Variants in MITF observed in about 807,000 individuals in gnomAD.
MITF encodes the protein microphthalmia-associated transcription factor.
A neutral mutation model predicts 60.5 loss-of-function variants in MITF; 17 were observed. The observed-to-expected ratio is 0.28, with a 90% CI of 0.19 to 0.42. The LOEUF (loss-of-function observed/expected upper bound fraction) is 0.42, where lower values mean the gene tolerates loss of function less well. MITF is among the 10% of genes least tolerant of loss of function. The probability of loss-of-function intolerance (pLI) is 1.00; values close to 1 mark genes in which losing one functional copy is unlikely to be tolerated. For synonymous variants in MITF, 260 were observed against 248.5 expected (o/e 1.05, Z -0.43); for missense variants, 622 against 683.5 (o/e 0.91, Z 1.00).
chr3:69,833,597 T>C (rs62252219), intron 1 of MITF, among the ~76,000 whole-genome samples: 23,277 of 152,164 alleles, frequency 0.15, 2,055 homozygotes, highest in Non-Finnish European at 0.21. Flanking sequence ...CTGTATGTGG[T>C]TGTTTTTCTG....
At chr3:69,786,691 G>A (rs998265800) in intron 1 of MITF, among the ~76,000 whole-genome samples, 1 of 152,028 alleles carries the variant, frequency 6.6e-6, no homozygotes, top group Admixed American at 6.6e-5. Flanking sequence ...GCTTGTATGG[G>A]CTTATCCTTT....
At chr3:69,960,486 A>G (rs1041844441) in intron 9 of MITF, among the ~76,000 whole-genome samples, 1 of 152,126 alleles carries the variant, frequency 6.6e-6, no homozygotes, top group African/African-American at 2.4e-5. Context: ...GTGAAAGGGC[A>G]CTACTTCCTC....
chr3:69,905,206 A>C (rs2065071618), intron 2 of MITF, among the ~76,000 whole-genome samples: 1 of 152,084 alleles, frequency 6.6e-6, no homozygotes, highest in South Asian at 2.1e-4. Context: ...TCCAGAGTTT[A>C]AAAAATATGG....
At chr3:69,896,619 C>T (rs575228936) in intron 2 of MITF, among the ~76,000 whole-genome samples, 1 of 152,192 alleles carries the variant, frequency 6.6e-6, no homozygotes, top group Admixed American at 6.5e-5. Context: ...GGGATCTGCC[C>T]CCAATCTTCT....
At chr3:69,820,488 A>G (rs546853201) in intron 1 of MITF, among the ~76,000 whole-genome samples, 1 of 152,268 alleles carries the variant, frequency 6.6e-6, no homozygotes, top group Non-Finnish European at 1.5e-5. Context: ...CAGTTGTAAA[A>G]GAAATTTCTA....
chr3:69,967,020 A>G lies in MITF; in HGVS notation c.*1772A>G, dbSNP rs1238058958. The G allele has an allele frequency of 4.3e-5, 10 of 232,152 alleles. No individual in the cohort carries two copies. The highest frequency in any genetic ancestry group is 3.7e-4 in the East Asian group (6 of 16,408). The allele number at this position is 232,152 out of a possible 1,614,324, so 14.4% of individuals were successfully genotyped here. A position where few individuals can be genotyped will look rare whatever the true frequency, so the allele number is the denominator to read the frequency against. On this transcript the variant is annotated 3_prime_UTR_variant, in exon 10 of 10. Transcript: ENST00000352241. ...AATATATTTTAGTGACAGAGTGCCA[A>G]CTTCTTTCATCAGGAAACCTTATTC...
intron 9 of MITF, among the ~76,000 whole-genome samples, chr3:69,964,490 C>T (rs2066634225): frequency 7.5e-6 from 1 of 134,132 alleles, no homozygotes; most frequent in Non-Finnish European, 1.6e-5. Flanking sequence ...TTCCAAGTAT[C>T]TGATTTTTAA....
chr3:69,766,346 A>G (rs2062292427), intron 1 of MITF, among the ~76,000 whole-genome samples: 1 of 134,222 alleles, frequency 7.5e-6, no homozygotes, highest in Admixed American at 7.6e-5. Context: ...AGTAGCTGGG[A>G]TTACAGGTGT....
At chr3:69,876,936 T>C (rs2064367663) in intron 1 of MITF, among the ~76,000 whole-genome samples, 2 of 152,148 alleles carry the variant, frequency 1.3e-5, no homozygotes, top group Admixed American at 1.3e-4. Flanking sequence ...TTGAGGGGAG[T>C]AAAATGATAG....
rs1408787843 is a variant in MITF, at chr3:69,967,503, A to C, written c.*2255A>C. On this transcript the variant is annotated 3_prime_UTR_variant, in exon 10 of 10. Transcript: ENST00000352241. Reference sequence around the variant, plus strand: ...TTTTAAAAATAAAGCAAGGTTGACTAACCTACGGCCACGGGAACAGGACCA... The same window carrying C: ...TTTTAAAAATAAAGCAAGGTTGACTCACCTACGGCCACGGGAACAGGACCA... The C allele has an allele frequency of 1.3e-5, 3 of 233,524 alleles. No homozygotes were observed. The highest frequency in any genetic ancestry group is 2.5e-5 in the Non-Finnish European group (3 of 117,942). 14.5% of individuals were successfully genotyped at this position (233,524 alleles called of 1,614,324 possible). A position where few individuals can be genotyped will look rare whatever the true frequency, so the allele number is the denominator to read the frequency against.
chr3:69,774,541 G>A (rs1202667623), intron 1 of MITF, among the ~76,000 whole-genome samples: 1 of 152,162 alleles, frequency 6.6e-6, no homozygotes, highest in South Asian at 2.1e-4. Flanking sequence ...GTCACGTGGA[G>A]CCCTAGTCAT....
chr3:69,776,160 A>C (rs2062470322), intron 1 of MITF, among the ~76,000 whole-genome samples: 1 of 152,252 alleles, frequency 6.6e-6, no homozygotes, highest in South Asian at 2.1e-4. Context: ...TATATTCACC[A>C]ATGTGGCACT....
intron 5 of MITF, among the ~76,000 whole-genome samples, chr3:69,941,969 G>A (rs750550653): frequency 6.6e-6 from 1 of 152,068 alleles, no homozygotes. Flanking sequence ...AGTCAAGTTC[G>A]GATGGTATCA....
chr3:69,951,019 C>T (rs901300046), intron 6 of MITF, among the ~76,000 whole-genome samples: 2 of 151,162 alleles, frequency 1.3e-5, no homozygotes, highest in African/African-American at 4.9e-5. Context: ...GAATCTGGCA[C>T]CAACTTCTGA....
intron 1 of MITF, among the ~76,000 whole-genome samples, chr3:69,770,302 A>G (rs923549542): frequency 2.6e-5 from 4 of 152,296 alleles, no homozygotes; most frequent in South Asian, 2.1e-4. Flanking sequence ...GGAATGATTA[A>G]TGGTGACACA....
At chr3:69,833,607 G>C (rs1358240875) in intron 1 of MITF, among the ~76,000 whole-genome samples, 1 of 141,802 alleles carries the variant, frequency 7.1e-6, no homozygotes, top group South Asian at 2.3e-4. Context: ...TTGTTTTTCT[G>C]TTTACATTAC....
intron 1 of MITF, among the ~76,000 whole-genome samples, chr3:69,776,643 G>A (rs542682607): frequency 6.6e-6 from 1 of 152,156 alleles, no homozygotes. Context: ...GCAAGTTCTT[G>A]AACCAGACTT....
At chr3:69,751,256 A>G (rs1455320156) in intron 1 of MITF, among the ~76,000 whole-genome samples, 32 of 152,326 alleles carry the variant, frequency 2.1e-4, no homozygotes, top group Non-Finnish European at 1.0e-4. Context: ...TTCCTGTCTT[A>G]ATGAATTCCA....
chr3:69,851,014 G>A (rs997734757), intron 1 of MITF, among the ~76,000 whole-genome samples: 2 of 152,094 alleles, frequency 1.3e-5, no homozygotes, highest in African/African-American at 4.8e-5. Flanking sequence ...GGGCATCATT[G>A]CTGACTTACA....
Sources: allele counts gnomAD v4.1 joint callset (sites outside exome capture counted in the v4.1 genomes callset), GRCh38; gene constraint gnomAD v4.1.1; transcripts MANE v1.5; gene names NCBI Gene and HGNC (gene_info 2026-07-23, HGNC 2026-07-21).